MRAP2: variants seen among roughly 807,000 people sequenced by gnomAD.
The protein encoded by MRAP2 is melanocortin 2 receptor accessory protein 2.
MRAP2 carries 20 observed loss-of-function variants against 17.4 expected under a neutral mutation model. The observed-to-expected ratio is 1.15, with a 90% CI of 0.81 to 1.67. The LOEUF (loss-of-function observed/expected upper bound fraction) is 1.67. MRAP2 is among the 40% of genes most tolerant of loss of function. MRAP2 has a pLI of 0.00. For synonymous variants in MRAP2, 96 were observed against 88.4 expected (o/e 1.09, Z -0.48); for missense variants, 238 against 240.0 (o/e 0.99, Z 0.05).
At position 84,084,908 on chromosome 6, in the gene MRAP2, ATT is replaced by A. The variant is rs57979881; in HGVS notation, c.228-4180_228-4179del. Among the ~76,000 whole-genome samples, 794 of 103,316 alleles carry A rather than the reference ATT, an allele frequency of 7.7e-3. 15 individuals carry two copies. The highest frequency in any genetic ancestry group is 0.027 in the African/African-American group (624 of 22,864). The allele number at this position is 103,316 out of a possible 152,430, so 67.8% of individuals were successfully genotyped here. A position where few individuals can be genotyped will look rare whatever the true frequency, so the allele number is the denominator to read the frequency against. On this transcript the variant is annotated intron_variant, in intron 3 of 3. Transcript: ENST00000257776. ...ATTTTATTTTATTTTATTTTATTTT[ATT>A]TTATTTATTTATTTTATTTTACTTT...
At chr6:84,097,223 G>A in the MRAP2 span, among the ~76,000 whole-genome samples, 1 of 152,090 alleles carries the variant, frequency 6.6e-6, no homozygotes, top group African/African-American at 2.4e-5. Flanking sequence ...TGTGTGTGGT[G>A]GGGTAGGGCA....
intron 2 of MRAP2, among the ~76,000 whole-genome samples, chr6:84,060,767 G>C (rs926509481): frequency 6.6e-6 from 1 of 151,154 alleles, no homozygotes; most frequent in Non-Finnish European, 1.5e-5. Flanking sequence ...CTCACTGCAA[G>C]CTCCACCTGC....
At chr6:84,097,377 C>T in the MRAP2 span, among the ~76,000 whole-genome samples, 1 of 152,126 alleles carries the variant, frequency 6.6e-6, no homozygotes, top group Non-Finnish European at 1.5e-5. Flanking sequence ...ATTTTTGTCA[C>T]CTGGAAACTT....
intron 3 of MRAP2, among the ~76,000 whole-genome samples, chr6:84,067,520 A>C (rs1393626648): frequency 6.6e-6 from 1 of 152,122 alleles, no homozygotes; most frequent in Non-Finnish European, 1.5e-5. Context: ...GTGTTCCCTG[A>C]TCACCACATC....
chr6:84,112,316 C>T, the MRAP2 span, among the ~76,000 whole-genome samples: 15 of 152,168 alleles, frequency 9.9e-5, no homozygotes, highest in South Asian at 4.1e-4. Flanking sequence ...TTGACTTCTT[C>T]CTGGTGTAGA....
chr6:84,086,008 C>T (rs1356321230), intron 3 of MRAP2, among the ~76,000 whole-genome samples: 1 of 152,190 alleles, frequency 6.6e-6, no homozygotes, highest in Non-Finnish European at 1.5e-5. Flanking sequence ...GTGAGCACAG[C>T]CTGCAGGTTC....
chr6:84,097,190 C>G, the MRAP2 span, among the ~76,000 whole-genome samples: 1 of 152,062 alleles, frequency 6.6e-6, no homozygotes, highest in Non-Finnish European at 1.5e-5. Flanking sequence ...CAGAAGCAGC[C>G]CTTCCAATAA....
chr6:84,069,386 G>A (rs552975638), intron 3 of MRAP2, among the ~76,000 whole-genome samples: 25 of 152,060 alleles, frequency 1.6e-4, no homozygotes, highest in Non-Finnish European at 4.4e-5. Flanking sequence ...TTAATGTGGT[G>A]TATCACATTT....
chr6:84,038,288 G>A (rs1478954222), intron 1 of MRAP2, among the ~76,000 whole-genome samples: 6 of 152,162 alleles, frequency 3.9e-5, no homozygotes, highest in African/African-American at 1.4e-4. Context: ...CTTTGGTCTT[G>A]GAGTGATGTG....
At chr6:84,128,969 G>T in the MRAP2 span, among the ~76,000 whole-genome samples, 1 of 151,428 alleles carries the variant, frequency 6.6e-6, no homozygotes, top group Admixed American at 6.6e-5. Flanking sequence ...GCCTTAGTTT[G>T]CTGAGAATGA....
chr6:84,033,463 AC>A (rs1341122113), upstream of MRAP2, among the ~76,000 whole-genome samples: 1 of 152,150 alleles, frequency 6.6e-6, no homozygotes, highest in Non-Finnish European at 1.5e-5. Flanking sequence ...GATTCATGAT[AC>A]CCCACTCCCT....
At chr6:84,080,493 G>GT (rs2099498702) in intron 3 of MRAP2, among the ~76,000 whole-genome samples, 1 of 152,178 alleles carries the variant, frequency 6.6e-6, no homozygotes, top group Non-Finnish European at 1.5e-5. Flanking sequence ...TACTGGTTTG[G>GT]TTTAATCTAG....
Position 84,089,901 on chromosome 6 carries a change from G to A in MRAP2, c.*420G>A, listed in dbSNP as rs1339856185. The A allele has an allele frequency of 2.5e-5, 4 of 161,882 alleles. No homozygotes were observed. Among genetic ancestry groups the A allele is most frequent in the African/African-American group, 7.2e-5 (3 of 41,522 alleles). The allele number at this position is 161,882 out of a possible 1,614,324, so 10.0% of individuals were successfully genotyped here. On this transcript the variant is annotated 3_prime_UTR_variant, in exon 4 of 4. Transcript: ENST00000257776. ...GTGGCCCAAGACAACTCTTCTTCCA[G>A]TGTGGCACAGGGAAGCTAAAAGATT...
At chr6:84,102,023 A>T in the MRAP2 span, among the ~76,000 whole-genome samples, 1 of 152,106 alleles carries the variant, frequency 6.6e-6, no homozygotes, top group East Asian at 1.9e-4. Context: ...TAATAATAAG[A>T]CATTAGATCT....
At chr6:84,037,709 G>A (rs1211775805) in intron 1 of MRAP2, among the ~76,000 whole-genome samples, 1 of 152,156 alleles carries the variant, frequency 6.6e-6, no homozygotes, top group African/African-American at 2.4e-5. Context: ...CGCCCCCTCT[G>A]CAGCTGCTGG....
At chr6:84,110,390 T>C in the MRAP2 span, among the ~76,000 whole-genome samples, 1 of 152,252 alleles carries the variant, frequency 6.6e-6, no homozygotes, top group Non-Finnish European at 1.5e-5. Context: ...AATGTTTTCT[T>C]TTGAGAACTG....
the MRAP2 span, among the ~76,000 whole-genome samples, chr6:84,099,289 CTA>C: frequency 1.3e-5 from 2 of 149,658 alleles, no homozygotes; most frequent in Admixed American, 1.3e-4. Context: ...AATCAGTTGT[CTA>C]TATATGTGTT....
chr6:84,045,557 G>A (rs188657145), intron 1 of MRAP2, among the ~76,000 whole-genome samples: 6 of 152,264 alleles, frequency 3.9e-5, no homozygotes, highest in Admixed American at 3.9e-4. Flanking sequence ...GAGGCCAGGA[G>A]TTTGAGACCA....
intron 3 of MRAP2, chr6:84,063,314 G>T: frequency 2.0e-6 from 2 of 984,940 alleles, no homozygotes; most frequent in Non-Finnish European, 2.4e-6. Context: ...ATTCCCAAAA[G>T]GATTTAGATG....
Sources: gnomAD v4.1 joint callset for allele counts (sites outside exome capture counted in the v4.1 genomes callset) on GRCh38, gnomAD v4.1.1 for gene constraint, MANE v1.5 for transcripts, NCBI Gene and HGNC (gene_info 2026-07-23, HGNC 2026-07-21) for gene names.